The following RHOH variants were observed in gnomAD, a reference collection of about 807,000 sequenced individuals.
RHOH encodes rho-related GTP-binding protein RhoH.
In RHOH, 6 loss-of-function variants were observed where a neutral mutation model predicts 13.8. That is an observed-to-expected ratio of 0.44 (90% confidence interval 0.24 to 0.86). RHOH has a LOEUF of 0.86. Ranked by LOEUF, RHOH falls within the 40% of genes least tolerant of loss-of-function variation. The probability of loss-of-function intolerance (pLI) is 0.24; values close to 1 mark genes in which losing one functional copy is unlikely to be tolerated. For missense variants in RHOH, 147 were observed against 244.5 expected (o/e 0.60, Z 2.66); for synonymous variants, 117 against 103.0 (o/e 1.14, Z -0.82).
chr4:40,241,001 A>G (rs1465760387), intron 1 of RHOH, among the ~76,000 whole-genome samples: 1 of 151,988 alleles, frequency 6.6e-6, no homozygotes, highest in Non-Finnish European at 1.5e-5. Flanking sequence ...TATTTATAAA[A>G]AATAAGATAA....
chr4:40,236,012 G>A (rs74673754), intron 1 of RHOH, among the ~76,000 whole-genome samples: 18,554 of 151,048 alleles, frequency 0.12, 3,361 homozygotes, highest in African/African-American at 0.4. Context: ...AAAAAAAAGG[G>A]GTGGCTAGGA....
rs1445072074 is a variant in RHOH, at chr4:40,246,002, C to A, written c.*2040C>A. On this transcript the variant is annotated 3_prime_UTR_variant, in exon 3 of 3. Transcript: ENST00000381799. ...TGGCTTGTACTCACCTCTAAGTCAC[C>A]CGCCTCCCTTGATTGGAGAGCCCGT... The A allele has an allele frequency of 6.6e-6, 1 of 152,144 alleles. No homozygotes were observed. Among genetic ancestry groups the A allele is most frequent in the Non-Finnish European group, 1.5e-5 (1 of 68,066 alleles). 9.4% of individuals were successfully genotyped at this position (152,144 alleles called of 1,614,324 possible).
intron 1 of RHOH, among the ~76,000 whole-genome samples, chr4:40,208,771 A>G (rs1724933610): frequency 6.6e-6 from 1 of 152,192 alleles, no homozygotes; most frequent in African/African-American, 2.4e-5. Flanking sequence ...GTGTCTGCTA[A>G]TAATAGAGAA....
rs1230891430 is a variant in RHOH at position 40,243,460 on chromosome 4, C to T, written c.74C>T (p.Thr25Ile). The change falls in exon 3 of 3, where the codon ACC becomes ATC. Residue 25 changes from threonine to isoleucine, a missense_variant. Transcript: ENST00000381799. This position sits in a 1 kb window ranked among gnomAD's most constrained non-coding sequence, Gnocchi z 6.2. ...VGKTSLLVRF[T>I]SETFPEAYKP... ...AAAACCTCTCTGTTGGTGCGCTTCACCTCCGAGACCTTCCCGGAGGCCTAC... is the reference window on the plus strand; with the variant it reads ...AAAACCTCTCTGTTGGTGCGCTTCATCTCCGAGACCTTCCCGGAGGCCTAC... 6.2e-7 allele frequency: 1 copy of T among 1,613,792 alleles called. No individual in the cohort carries two copies. Among genetic ancestry groups the T allele is most frequent in the African/African-American group, 1.3e-5 (1 of 74,864 alleles).
chr4:40,218,537 G>A lies in RHOH; in HGVS notation c.-331+21237G>A, dbSNP rs1278077812. 1.3e-5 allele frequency among the ~76,000 whole-genome samples: 2 copies of A among 152,188 alleles called. No homozygotes were observed. Among genetic ancestry groups the A allele is most frequent in the Non-Finnish European group, 2.9e-5 (2 of 68,026 alleles). On this transcript the variant is annotated intron_variant, in intron 1 of 2. Coordinates refer to ENST00000381799, the MANE Select transcript of RHOH (RefSeq NM_004310.5). This position sits in a 1 kb window ranked among gnomAD's most constrained non-coding sequence, Gnocchi z 4.1. ...GCCAAAAAATGCAGGGCCAAGGCTG[G>A]GGGTGGAGAGGTAAGGCTAGGGAAG...
upstream of RHOH, chr4:40,191,179 G>A (rs2109322845): frequency 6.6e-6 from 1 of 152,280 alleles, no homozygotes; most frequent in South Asian, 2.1e-4. Context: ...CAAAGATACT[G>A]CTCTTACTAA....
intron 1 of RHOH, among the ~76,000 whole-genome samples, chr4:40,235,985 GA>G (rs768451271): frequency 0.25 from 23,844 of 95,736 alleles, 2,252 homozygotes; most frequent in South Asian, 0.32. Context: ...CTGTCTTAAA[GA>G]AAAAAAAAAA....
At chr4:40,239,740 G>A (rs548951106) in intron 1 of RHOH, among the ~76,000 whole-genome samples, 5 of 152,188 alleles carry the variant, frequency 3.3e-5, no homozygotes, top group South Asian at 2.1e-4. Context: ...TTAGCCAGGC[G>A]TGGTGGTGGT....
chr4:40,192,834 A>G (rs962277260), upstream of RHOH: 17 of 152,118 alleles, frequency 1.1e-4, no homozygotes, highest in African/African-American at 3.9e-4. Context: ...CTCTGTGGGG[A>G]GGCAGCGGGA....
At chr4:40,238,923 T>C (rs75935246) in intron 1 of RHOH, among the ~76,000 whole-genome samples, 6,069 of 152,264 alleles carry the variant, frequency 0.04, 332 homozygotes, top group African/African-American at 0.12. Context: ...CAGACTCACA[T>C]GCTGATGATG....
Position 40,201,522 on chromosome 4 carries a change from G to C in RHOH, c.-331+4222G>C, listed in dbSNP as rs138355249. ...TTCTCTTTATCTGTGTGATGGAAAT[G>C]CTATATAATATTGTGCTATCTGAGC... On this transcript the variant is annotated intron_variant, in intron 1 of 2. Coordinates refer to ENST00000381799, the MANE Select transcript of RHOH (RefSeq NM_004310.5). Among the ~76,000 whole-genome samples the C allele has an allele frequency of 4.0e-3, 613 of 152,314 alleles. 3 individuals are homozygous for C. Among genetic ancestry groups the C allele is most frequent in the African/African-American group, 0.014 (586 of 41,566 alleles).
chr4:40,233,639 G>A (rs1443346317), intron 1 of RHOH, among the ~76,000 whole-genome samples: 1 of 152,182 alleles, frequency 6.6e-6, no homozygotes, highest in Non-Finnish European at 1.5e-5. Context: ...ATGTTGCAGC[G>A]AGAAAGCAGT....
intron 1 of RHOH, among the ~76,000 whole-genome samples, chr4:40,228,023 T>G (rs895416106): frequency 1.3e-5 from 2 of 152,184 alleles, no homozygotes; most frequent in Admixed American, 1.3e-4. Flanking sequence ...ATATTTATAT[T>G]AAAAATATTC....
intron 1 of RHOH, among the ~76,000 whole-genome samples, chr4:40,239,376 C>CT (rs1329761992): frequency 3.3e-5 from 5 of 152,140 alleles, no homozygotes; most frequent in African/African-American, 9.7e-5. Context: ...CTTTCTTTCT[C>CT]TTTTTGTAGC....
At chr4:40,202,666 G>T (rs933352224) in intron 1 of RHOH, among the ~76,000 whole-genome samples, 1 of 152,142 alleles carries the variant, frequency 6.6e-6, no homozygotes. Context: ...GATGCTAAAG[G>T]GGTTTCTTTA....
chr4:40,196,002 G>A (rs1480298137), upstream of RHOH, among the ~76,000 whole-genome samples: 7 of 152,060 alleles, frequency 4.6e-5, no homozygotes, highest in South Asian at 6.2e-4. Context: ...CCCACCTCAG[G>A]GCCTTTGCAC....
At chr4:40,220,617 A>T (rs908050821) in intron 1 of RHOH, among the ~76,000 whole-genome samples, 5 of 152,150 alleles carry the variant, frequency 3.3e-5, no homozygotes, top group African/African-American at 1.2e-4. Flanking sequence ...TAAAAAAAAA[A>T]ATTTTTTTAA....
intron 1 of RHOH, among the ~76,000 whole-genome samples, chr4:40,216,108 A>G (rs1232916771): frequency 7.2e-6 from 1 of 139,390 alleles, no homozygotes; most frequent in Non-Finnish European, 1.5e-5. Flanking sequence ...CTTCTCCTTT[A>G]TTCTTAGGTT....
At chr4:40,199,670 C>T (rs889589681) in intron 1 of RHOH, among the ~76,000 whole-genome samples, 4 of 152,128 alleles carry the variant, frequency 2.6e-5, no homozygotes, top group Non-Finnish European at 5.9e-5. Flanking sequence ...GACCTTTCTT[C>T]CTTGCCCAGT....
Sources: gnomAD v4.1 joint callset for allele counts (sites outside exome capture counted in the v4.1 genomes callset) on GRCh38, gnomAD v4.1.1 for gene constraint, Gnocchi (gnomAD v3.1) non-coding constraint, MANE v1.5 for transcripts, NCBI Gene and HGNC (gene_info 2026-07-23, HGNC 2026-07-21) for gene names.